The following LRP1 variants were observed in gnomAD, a reference collection of about 807,000 sequenced individuals.
The protein encoded by LRP1 is LDL receptor related protein 1, also known as prolow-density lipoprotein receptor-related protein 1.
LRP1 carries 51 observed loss-of-function variants against 541.5 expected under a neutral mutation model. The ratio of observed to expected loss-of-function variants is 0.09; its 90% confidence interval spans 0.08 to 0.12. LRP1 has a LOEUF of 0.12. Ranked by LOEUF, LRP1 falls within the 10% of genes least tolerant of loss-of-function variation. LRP1 has a pLI of 1.00. For missense variants in LRP1, 3,878 were observed against 6,376.2 expected (o/e 0.61, Z 13.34); for synonymous variants, 2,219 against 2,470.8 (o/e 0.90, Z 3.02).
intron 18 of LRP1, 147 bp downstream of exon 18, chr12:57,167,193 G>T: frequency 8.5e-6 from 6 of 702,078 alleles, no homozygotes; most frequent in Non-Finnish European, 1.5e-5. Flanking sequence ...TGAGAGGAGA[G>T]CCCCATCATC....
chr12:57,141,972 C>T (rs933178257), intron 3 of LRP1, among the ~76,000 whole-genome samples: 1 of 152,182 alleles, frequency 6.6e-6, no homozygotes, highest in East Asian at 1.9e-4. Context: ...AGGCATCCCC[C>T]AGGAGCTGCA....
chr12:57,201,995 C>A lies in LRP1; in HGVS notation c.10594+90C>A. The A allele has an allele frequency of 6.5e-7, 1 of 1,548,570 alleles. No homozygotes were observed. Among genetic ancestry groups the A allele is most frequent in the South Asian group, 1.1e-5 (1 of 87,494 alleles). On this transcript the variant is annotated intron_variant, in intron 67 of 88. Coordinates refer to ENST00000243077, the MANE Select transcript of LRP1 (RefSeq NM_002332.3). The surrounding 1 kb of genome is among the most constrained non-coding windows in gnomAD (Gnocchi z 6.4). ...CAGGTGGAGGGCTGGGGGCCGCCTG[C>A]TTACCGGTCTCAGCGTGGCCCTGCT...
At position 57,205,069 on chromosome 12, in the gene LRP1, G is replaced by A; in HGVS notation, c.11195-40G>A. 2 of 1,582,424 alleles carry A rather than the reference G, an allele frequency of 1.3e-6. No homozygotes were observed. The highest frequency in any genetic ancestry group is 4.5e-5 in the East Asian group (2 of 44,422). Reference sequence around the variant, plus strand: ...GGGGTTGCCGTGGGAGGAGGAGGCAGGGGAGAATACCCAGGGCCTAAAGCC... The same window carrying A: ...GGGGTTGCCGTGGGAGGAGGAGGCAAGGGAGAATACCCAGGGCCTAAAGCC... On this transcript the variant is annotated intron_variant, in intron 72 of 88. Transcript: ENST00000243077. This position sits in a 1 kb window ranked among gnomAD's most constrained non-coding sequence, Gnocchi z 4.6.
Position 57,184,316 on chromosome 12 carries a change from C to A in LRP1, c.6060-10C>A. On this transcript the variant is annotated splice_polypyrimidine_tract_variant and intron_variant, in intron 37 of 88. Coordinates refer to ENST00000243077, the MANE Select transcript of LRP1 (RefSeq NM_002332.3). This position sits in a 1 kb window ranked among gnomAD's most constrained non-coding sequence, Gnocchi z 7.8. ...GAGGACTGACCCCCACTTCCACCCC[C>A]ACCCTACAGGTACTTGTTCTGGACT... The A allele has an allele frequency of 6.2e-7, 1 of 1,614,238 alleles. No homozygotes were observed. The highest frequency in any genetic ancestry group is 1.1e-5 in the South Asian group (1 of 91,084).
rs2036652288 is a variant in LRP1 at position 57,201,419 on chromosome 12, G to A, written c.10346-78G>A. On this transcript the variant is annotated intron_variant, in intron 65 of 88. Transcript: ENST00000243077. The surrounding 1 kb of genome is among the most constrained non-coding windows in gnomAD (Gnocchi z 6.4). Reference sequence around the variant, plus strand: ...CTGGCAGGACCAAGGCCAGGGCTTGGAAGAGAGAGAAGACAGTGATGGTGA... The same window carrying A: ...CTGGCAGGACCAAGGCCAGGGCTTGAAAGAGAGAGAAGACAGTGATGGTGA... 1.3e-6 allele frequency: 2 copies of A among 1,542,846 alleles called. No individual in the cohort carries two copies. Among genetic ancestry groups the A allele is most frequent in the Non-Finnish European group, 8.8e-7 (1 of 1,139,586 alleles).
chr12:57,135,955 G>C (rs2035152446), intron 1 of LRP1, among the ~76,000 whole-genome samples: 1 of 152,176 alleles, frequency 6.6e-6, no homozygotes, highest in South Asian at 2.1e-4. Context: ...TCTGCCCCTG[G>C]GAGGAGCAGG....
rs35484999 is a variant in LRP1, at chr12:57,190,865, G to C, written c.7092G>C (p.Ser2364=). 5.0e-6 allele frequency: 8 copies of C among 1,613,948 alleles called. No individual in the cohort carries two copies. Among genetic ancestry groups the C allele is most frequent in the Non-Finnish European group, 6.8e-6 (8 of 1,179,972 alleles). ...CCAGCATCATGCGGGCGGCGCTCTC[G>C]GGAGCCAATGTCCTGACCCTTATCG... The part of the protein sequence containing the change: ...QHPSIMRAAL[S]GANVLTLIEK... Residue 2364 remains serine, a synonymous_variant, in exon 43 of 89, where the codon TCG becomes TCC. Transcript: ENST00000243077.
intron 3 of LRP1, among the ~76,000 whole-genome samples, chr12:57,142,211 G>A (rs571871614): frequency 1.3e-5 from 2 of 152,346 alleles, no homozygotes; most frequent in African/African-American, 2.4e-5. Flanking sequence ...AGTCGTGTCC[G>A]GGGAGGCAGA....
At chr12:57,129,088 C>A (rs2034980864) in intron 1 of LRP1, 57 bp downstream of exon 1, 1 of 1,510,342 alleles carries the variant, frequency 6.6e-7, no homozygotes, top group South Asian at 1.2e-5. Context: ...CCCCAGCCCC[C>A]ACTCCTGCAT....
intron 6 of LRP1, among the ~76,000 whole-genome samples, chr12:57,151,047 A>G (rs915202335): frequency 2.0e-5 from 3 of 151,976 alleles, no homozygotes; most frequent in Non-Finnish European, 2.9e-5. Flanking sequence ...TTTTCTCAGG[A>G]CATAAAGGCT....
Position 57,210,136 on chromosome 12 carries a change from G to A in LRP1, c.12547G>A (p.Val4183Met), listed in dbSNP as rs756129605. ...GAAGCGGCTGGACAACGGCACATGC[G>A]TGCCTGTGCCCTCTCCAACGCCCCC... ...NGKRLDNGTC[V>M]PVPSPTPPPD... The change falls in exon 81 of 89, where the codon GTG (valine) becomes ATG (methionine). Residue 4183 changes from valine (V) to methionine (M), a missense_variant. Physicochemically the swap from Val to Met is conservative, Grantham distance 21. Around this residue, in one of 13 missense-constraint regions of LRP1, gnomAD observed 871 missense variants for 1,212.4 expected, o/e 0.72. Transcript: ENST00000243077. 47 of 1,611,460 alleles carry A rather than the reference G, an allele frequency of 2.9e-5. 1 individual carries two copies. The highest frequency in any genetic ancestry group is 1.7e-4 in the Middle Eastern group (1 of 6,044).
At chr12:57,175,233 G>A (rs1331530976) in intron 22 of LRP1, among the ~76,000 whole-genome samples, 1 of 152,206 alleles carries the variant, frequency 6.6e-6, no homozygotes, top group Non-Finnish European at 1.5e-5. Flanking sequence ...GGGAGGTATG[G>A]TGCCAGCTGG....
chr12:57,151,777 G>A (rs2035530590), intron 6 of LRP1, among the ~76,000 whole-genome samples: 2 of 152,206 alleles, frequency 1.3e-5, no homozygotes, highest in Admixed American at 6.5e-5. Context: ...GTGTGTGTGT[G>A]ATTGTGCGTG....
At chr12:57,208,992 G>C in intron 78 of LRP1, 91 bp from the exon 79 acceptor site, 16 of 1,169,336 alleles carry the variant, frequency 1.4e-5, no homozygotes, top group Non-Finnish European at 2.0e-5. Flanking sequence ...GTATGAACAG[G>C]GTGGAGCTGT....
At chr12:57,182,518 A>C (rs1178480118) in intron 34 of LRP1, among the ~76,000 whole-genome samples, 1 of 140,290 alleles carries the variant, frequency 7.1e-6, no homozygotes, top group Non-Finnish European at 1.6e-5. Flanking sequence ...ATCTCAATTA[A>C]AAAAAAAAAA....
chr12:57,175,872 G>A (rs759454175), intron 23 of LRP1, 37 bp from the exon 24 acceptor site: 2 of 1,607,938 alleles, frequency 1.2e-6, no homozygotes, highest in South Asian at 1.1e-5. Flanking sequence ...CAGGCAGCTA[G>A]CCCCTTGCTG....
Position 57,179,059 on chromosome 12 carries a change from G to A in LRP1, c.4738+38G>A. 5 of 1,601,250 alleles carry A rather than the reference G, an allele frequency of 3.1e-6. No homozygotes were observed. The highest frequency in any genetic ancestry group is 4.3e-6 in the Non-Finnish European group (5 of 1,174,586). ...CCCTCCAGAGCCAGTGAGCAACTGA[G>A]GCTGGAGGGAAGGCCGCAGGCCCCA... On this transcript the variant is annotated intron_variant, in intron 28 of 88. Transcript: ENST00000243077. This position sits in a 1 kb window ranked among gnomAD's most constrained non-coding sequence, Gnocchi z 6.8.
chr12:57,208,467 A>G, intron 77 of LRP1: 1 of 595,506 alleles, frequency 1.7e-6, no homozygotes, highest in South Asian at 2.0e-5. Context: ...GCACAGCCAC[A>G]CTCTGCCCTG....
intron 70 of LRP1, 31 bp downstream of exon 70, chr12:57,203,552 C>T (rs968437290): frequency 2.0e-6 from 3 of 1,481,608 alleles, no homozygotes; most frequent in South Asian, 2.6e-5. Flanking sequence ...TCCCTGGGTC[C>T]TCCCTCTGCT....
Sources: gnomAD v4.1 joint callset for allele counts (sites outside exome capture counted in the v4.1 genomes callset) on GRCh38, gnomAD v4.1.1 for gene constraint, gnomAD v4.1.1 regional missense constraint, Gnocchi (gnomAD v3.1) non-coding constraint, MANE v1.5 for transcripts, NCBI Gene and HGNC (gene_info 2026-07-23, HGNC 2026-07-21) for gene names.